Variants in TRIP12 observed in about 807,000 individuals in gnomAD.
The protein encoded by TRIP12 is E3 ubiquitin-protein ligase TRIP12.
TRIP12 carries 25 observed loss-of-function variants against 244.2 expected under a neutral mutation model. That is an observed-to-expected ratio of 0.10 (90% CI 0.07 to 0.14). The LOEUF is 0.14. Ranked by LOEUF, TRIP12 falls within the 10% of genes least tolerant of loss-of-function variation. The pLI is 1.00. For missense variants in TRIP12, 1,677 were observed against 2,486.4 expected (o/e 0.67, Z 6.92); for synonymous variants, 905 against 873.1 (o/e 1.04, Z -0.64).
At chr2:229,874,262 C>A (rs1388753032) in intron 2 of TRIP12, among the ~76,000 whole-genome samples, 1 of 152,070 alleles carries the variant, frequency 6.6e-6, no homozygotes, top group Non-Finnish European at 1.5e-5. Flanking sequence ...TTTTTCCCCA[C>A]AAACTTTTCT....
chr2:229,790,525 G>A (rs546756706), intron 30 of TRIP12, among the ~76,000 whole-genome samples: 2 of 141,440 alleles, frequency 1.4e-5, no homozygotes, highest in East Asian at 4.1e-4. Flanking sequence ...GCGGCAGGGG[G>A]CAGGGAGCAG....
intron 38 of TRIP12, among the ~76,000 whole-genome samples, 164 bp from the exon 39 acceptor site, chr2:229,771,796 A>G (rs1011393287): frequency 6.6e-6 from 1 of 152,214 alleles, no homozygotes; most frequent in Non-Finnish European, 1.5e-5. Context: ...TGAGTAAAAC[A>G]TCAGGTCAAC....
intron 1 of TRIP12, among the ~76,000 whole-genome samples, 153 bp from the exon 2 acceptor site, chr2:229,880,281 G>C (rs992504452): frequency 3.9e-5 from 6 of 152,228 alleles, no homozygotes; most frequent in Non-Finnish European, 8.8e-5. Context: ...GAACTGTGAA[G>C]TCTGACTGAT....
chr2:229,840,447 A>T (rs1397910314), intron 5 of TRIP12, among the ~76,000 whole-genome samples: 1 of 152,180 alleles, frequency 6.6e-6, no homozygotes, highest in Non-Finnish European at 1.5e-5. Flanking sequence ...CACGCCTGTA[A>T]TCCCAGCACT....
At chr2:229,885,848 G>GT (rs1259346723) in intron 1 of TRIP12, among the ~76,000 whole-genome samples, 1 of 151,964 alleles carries the variant, frequency 6.6e-6, no homozygotes, top group Non-Finnish European at 1.5e-5. Flanking sequence ...CTGCTGCTTG[G>GT]TAAGACCTAC....
At chr2:229,830,640 T>TG in intron 7 of TRIP12, 116 bp downstream of exon 7, 1 of 984,520 alleles carries the variant, frequency 1.0e-6, no homozygotes, top group South Asian at 2.3e-5. Context: ...TTCTTGGAGG[T>TG]GCAGGCACTG....
intron 2 of TRIP12, among the ~76,000 whole-genome samples, chr2:229,861,676 A>C (rs2060507199): frequency 3.3e-5 from 5 of 152,202 alleles, no homozygotes; most frequent in Admixed American, 3.3e-4. Flanking sequence ...CATCTGTTCC[A>C]AAAGAGGACC....
In TRIP12 at chr2:229,765,151, G is replaced by A. The variant is rs1451850723; in HGVS notation, c.*2403C>T. On this transcript the variant is annotated 3_prime_UTR_variant, in exon 42 of 42. Coordinates refer to ENST00000675903, the MANE Select transcript of TRIP12 (RefSeq NM_001348323.3). ...AGATCGAATCAGTAACTGTCTAAAT[G>A]ACAACACAAATTCGGTGTTAGCTAT... 6.6e-6 allele frequency: 1 copy of A among 152,112 alleles called. No homozygotes were observed. Among genetic ancestry groups the A allele is most frequent in the African/African-American group, 2.4e-5 (1 of 41,416 alleles). 9.4% of individuals were successfully genotyped at this position (152,112 alleles called of 1,614,324 possible).
At chr2:229,844,680 A>G (rs2057214997) in intron 4 of TRIP12, among the ~76,000 whole-genome samples, 1 of 152,220 alleles carries the variant, frequency 6.6e-6, no homozygotes, top group Admixed American at 6.5e-5. Context: ...TGTATTTGAT[A>G]AGACTCTATA....
At chr2:229,864,369 AT>A (rs2061129895) in intron 2 of TRIP12, among the ~76,000 whole-genome samples, 1 of 152,260 alleles carries the variant, frequency 6.6e-6, no homozygotes, top group East Asian at 1.9e-4. Context: ...TTTTAAAGGC[AT>A]TTTTTAAAAA....
chr2:229,768,884 G>C (rs1320686681), intron 40 of TRIP12, among the ~76,000 whole-genome samples, 165 bp from the exon 41 acceptor site: 1 of 152,120 alleles, frequency 6.6e-6, no homozygotes, highest in East Asian at 1.9e-4. Flanking sequence ...GACTAGACTA[G>C]AATTCAAATG....
intron 4 of TRIP12, among the ~76,000 whole-genome samples, chr2:229,858,555 G>A (rs1020470487): frequency 3.9e-5 from 6 of 152,250 alleles, no homozygotes; most frequent in Non-Finnish European, 7.4e-5. Flanking sequence ...TGATGGTTTC[G>A]TAATAATAGG....
At chr2:229,808,122 A>T in intron 16 of TRIP12, 130 bp downstream of exon 16, 1 of 741,194 alleles carries the variant, frequency 1.3e-6, no homozygotes, top group Non-Finnish European at 2.2e-6. Flanking sequence ...GCCCGCCACT[A>T]CGCCCAGGTA....
chr2:229,906,082 A>G (rs1182301406), intron 1 of TRIP12, among the ~76,000 whole-genome samples: 2 of 152,210 alleles, frequency 1.3e-5, no homozygotes, highest in African/African-American at 4.8e-5. Flanking sequence ...AGGTGGGCAG[A>G]TTACCTGAGG....
rs140082415 is a variant in TRIP12 at position 229,894,798 on chromosome 2, T to C, written c.-49-14670A>G. Among the ~76,000 whole-genome samples the C allele has an allele frequency of 6.1e-4, 93 of 152,320 alleles. No homozygotes were observed. In the East Asian group the frequency reaches 0.016, roughly 26 times the overall value. On this transcript the variant is annotated intron_variant, in intron 1 of 41. Coordinates refer to ENST00000675903, the MANE Select transcript of TRIP12 (RefSeq NM_001348323.3). The stretch of plus-strand genomic sequence containing the variant: ...GTGCCTAAGAATTACCTATGGATCT[T>C]GTTAAAATTCACATTCTTGTTAAAA...
At chr2:229,806,407 G>A (rs1163204276) in intron 17 of TRIP12, among the ~76,000 whole-genome samples, 1 of 152,196 alleles carries the variant, frequency 6.6e-6, no homozygotes, top group African/African-American at 2.4e-5. Flanking sequence ...AAGGTTGTGT[G>A]TGGTATACAG....
intron 8 of TRIP12, among the ~76,000 whole-genome samples, chr2:229,825,190 A>T (rs1278759082): frequency 2.0e-5 from 3 of 152,212 alleles, no homozygotes; most frequent in Non-Finnish European, 2.9e-5. Context: ...ACTATATTAT[A>T]ATTATTGGGA....
intron 1 of TRIP12, among the ~76,000 whole-genome samples, chr2:229,899,859 C>A (rs184755853): frequency 1.3e-5 from 2 of 152,244 alleles, no homozygotes; most frequent in East Asian, 3.9e-4. Flanking sequence ...CAAAGGAAAG[C>A]CTGAAAACAT....
chr2:229,830,771 T>C lies in TRIP12; in HGVS notation c.1339A>G (p.Met447Val). 1 of 1,614,092 alleles carries C rather than the reference T, an allele frequency of 6.2e-7. No individual in the cohort carries two copies. The highest frequency in any genetic ancestry group is 8.5e-7 in the Non-Finnish European group (1 of 1,179,974). The change falls in exon 7 of 42, where the codon ATG becomes GTG. Residue 447 changes from methionine to valine, a missense_variant. Met to Val is a conservative substitution (Grantham distance 21). Transcript: ENST00000675903. ...SGESESDDSEMGRLQALLEAR... is the reference protein window; with the variant it reads ...SGESESDDSEVGRLQALLEAR... Reference sequence around the variant, plus strand: ...CTGTTTTTACCTTGCAAACGTCCCATCTCGGAATCATCTGATTCACTCTCC... The same window carrying C: ...CTGTTTTTACCTTGCAAACGTCCCACCTCGGAATCATCTGATTCACTCTCC...
Sources: allele counts gnomAD v4.1 joint callset (sites outside exome capture counted in the v4.1 genomes callset), GRCh38; gene constraint gnomAD v4.1.1; transcripts MANE v1.5; gene names NCBI Gene and HGNC (gene_info 2026-07-23, HGNC 2026-07-21).